The following LIPJ variants were observed in gnomAD, a reference collection of about 807,000 sequenced individuals.
The protein encoded by LIPJ is lipase member J.
Under a neutral mutation model 39.8 loss-of-function variants are expected in LIPJ, and 33 were observed. That is an observed-to-expected ratio of 0.83 (90% confidence interval 0.63 to 1.11). LIPJ has a LOEUF of 1.11. Among genes scored for constraint, LIPJ ranks in the 50% least tolerant of loss-of-function variants. The pLI, the probability that LIPJ is intolerant of heterozygous loss-of-function variation, is 0.00. For missense variants in LIPJ, 422 were observed against 427.9 expected (o/e 0.99, Z 0.12); for synonymous variants, 128 against 139.2 (o/e 0.92, Z 0.57).
chr10:88,612,340 T>A, the LIPJ span, among the ~76,000 whole-genome samples: 1 of 152,064 alleles, frequency 6.6e-6, no homozygotes, highest in Non-Finnish European at 1.5e-5. Context: ...AGGACCTGTA[T>A]AATAATAACA....
intron 2 of LIPJ, among the ~76,000 whole-genome samples, chr10:88,588,790 C>T (rs1040277400): frequency 2.6e-5 from 4 of 151,826 alleles, no homozygotes; most frequent in African/African-American, 7.2e-5. Context: ...TCTCACTGGC[C>T]ACATTTCAAG....
chr10:88,593,678 T>C, intron 4 of LIPJ: 1 of 272,556 alleles, frequency 3.7e-6, no homozygotes, highest in Middle Eastern at 1.1e-3. Context: ...CTATAAAATT[T>C]TTTATTATTT....
At chr10:88,603,445 T>C (rs754490019) in intron 9 of LIPJ, among the ~76,000 whole-genome samples, 8 of 152,200 alleles carry the variant, frequency 5.3e-5, no homozygotes, top group Non-Finnish European at 1.2e-4. Flanking sequence ...ACTCAACTAA[T>C]ATTTGTTCAA....
the LIPJ span, among the ~76,000 whole-genome samples, chr10:88,614,795 T>C: frequency 6.6e-6 from 1 of 152,126 alleles, no homozygotes; most frequent in Admixed American, 6.5e-5. Flanking sequence ...TATCAAGAAT[T>C]ATAAAATTAC....
exon 7 of LIPJ, chr10:88,596,305 A>T (rs1490520248): frequency 6.6e-7 from 1 of 1,516,344 alleles, no homozygotes. Flanking sequence ...CTACTATATC[A>T]AAGATAGCTG....
exon 4 of LIPJ, chr10:88,591,418 A>T: frequency 6.2e-7 from 1 of 1,603,946 alleles, no homozygotes; most frequent in Non-Finnish European, 8.5e-7. Context: ...GATGAAGAAT[A>T]TGATATTGTA....
chr10:88,608,196 C>T (rs1300910612), downstream of LIPJ, among the ~76,000 whole-genome samples: 1 of 152,194 alleles, frequency 6.6e-6, no homozygotes. Context: ...AACTGAGAAG[C>T]ACTTCTGAAG....
intron 8 of LIPJ, among the ~76,000 whole-genome samples, chr10:88,599,688 TACACAC>T (rs113053586): frequency 1.3e-5 from 2 of 150,860 alleles, no homozygotes; most frequent in African/African-American, 2.4e-5. Flanking sequence ...CATACATATA[TACACAC>T]ACACACACAC....
upstream of LIPJ, chr10:88,583,916 GAAC>G (rs1327081522): frequency 1.4e-4 from 24 of 176,188 alleles, no homozygotes; most frequent in Non-Finnish European, 7.8e-5. Flanking sequence ...ATATAAAGAT[GAAC>G]AACAAGAGAA....
intron 10 of LIPJ, 106 bp from the exon 11 acceptor site, chr10:88,606,568 C>G: frequency 1.6e-6 from 1 of 623,222 alleles, no homozygotes; most frequent in Non-Finnish European, 2.7e-6. Flanking sequence ...TTAGATTTGA[C>G]TTATTTTAAA....
chr10:88,605,942 TAGA>T (rs1851651957), intron 10 of LIPJ, among the ~76,000 whole-genome samples: 1 of 152,222 alleles, frequency 6.6e-6, no homozygotes, highest in Non-Finnish European at 1.5e-5. Flanking sequence ...TGACAGGCAG[TAGA>T]AGAAGTTATT....
chr10:88,622,055 A>G, the LIPJ span, among the ~76,000 whole-genome samples: 1 of 152,162 alleles, frequency 6.6e-6, no homozygotes, highest in African/African-American at 2.4e-5. Flanking sequence ...TCGAGTGTTG[A>G]CTGCTAAGAA....
chr10:88,621,846 T>C, the LIPJ span, among the ~76,000 whole-genome samples: 1 of 152,234 alleles, frequency 6.6e-6, no homozygotes, highest in Non-Finnish European at 1.5e-5. Context: ...TAAACATGTA[T>C]GCTCCACTAT....
the LIPJ span, among the ~76,000 whole-genome samples, chr10:88,616,664 C>T: frequency 6.7e-3 from 1,028 of 152,326 alleles, 27 homozygotes; most frequent in South Asian, 0.083. Context: ...AAGACTCTGA[C>T]GGAGCACTAC....
At chr10:88,622,118 C>T in the LIPJ span, among the ~76,000 whole-genome samples, 75,713 of 151,944 alleles carry the variant, frequency 0.5, 19,357 homozygotes, top group African/African-American at 0.62. Context: ...GAAAGCACGT[C>T]ACCTCTGTAA....
At chr10:88,594,073 T>C (rs1851174248) in exon 5 of LIPJ, 1 of 1,612,212 alleles carries the variant, frequency 6.2e-7, no homozygotes, top group Non-Finnish European at 8.5e-7. Flanking sequence ...GGATGGGAAA[T>C]AGCAGAGGAA....
chr10:88,586,125 C>T (rs1346041579), upstream of LIPJ, among the ~76,000 whole-genome samples: 1 of 152,066 alleles, frequency 6.6e-6, no homozygotes, highest in Non-Finnish European at 1.5e-5. Flanking sequence ...TGTCTTTTTT[C>T]TTTCTCCCTA....
rs751753922 is a variant in LIPJ, at chr10:88,596,348, G to GT, written c.514dup (p.Ser172PhefsTer11). 3 of 1,560,674 alleles carry GT rather than the reference G, an allele frequency of 1.9e-6. No individual in the cohort carries two copies. The highest frequency in any genetic ancestry group is 2.5e-5 in the South Asian group (2 of 80,606). Reference sequence around the variant, plus strand: ...CAAAATATTTTTTGCTTTAGCACCAGTTTTTTCCACAAAGTACTTAAAAAG... The same window carrying GT: ...CAAAATATTTTTTGCTTTAGCACCAGTTTTTTTCCACAAAGTACTTAAAAAG... On this transcript the variant is annotated frameshift_variant, in exon 7 of 11. Transcript: ENST00000371939. LOFTEE classifies it high-confidence loss of function.
At chr10:88,614,873 C>T in the LIPJ span, among the ~76,000 whole-genome samples, 1 of 152,056 alleles carries the variant, frequency 6.6e-6, no homozygotes, top group African/African-American at 2.4e-5. Flanking sequence ...ACTAGAGAGT[C>T]TAGAAGCAGA....
Sources: allele counts gnomAD v4.1 joint callset (sites outside exome capture counted in the v4.1 genomes callset), GRCh38; gene constraint gnomAD v4.1.1; transcripts MANE v1.5; gene names NCBI Gene and HGNC (gene_info 2026-07-23, HGNC 2026-07-21).